MARK2: variants seen among roughly 807,000 people sequenced by gnomAD.
The protein encoded by MARK2 is microtubule affinity regulating kinase 2.
In MARK2, 16 loss-of-function variants were observed where a neutral mutation model predicts 89.8. That is an observed-to-expected ratio of 0.18 (90% CI 0.12 to 0.27). MARK2 has a LOEUF of 0.27. Ranked by LOEUF, MARK2 falls within the 10% of genes least tolerant of loss-of-function variation. MARK2 has a pLI of 1.00. For synonymous variants in MARK2, 382 were observed against 399.5 expected (o/e 0.96, Z 0.52); for missense variants, 621 against 1,049.9 (o/e 0.59, Z 5.65).
At chr11:63,845,003 G>A (rs1289343962) in intron 1 of MARK2, among the ~76,000 whole-genome samples, 2 of 152,188 alleles carry the variant, frequency 1.3e-5, no homozygotes, top group Admixed American at 1.3e-4. Flanking sequence ...TGGGGTAGGG[G>A]GTGGGCGCCA....
rs1167350335 is a variant in MARK2 at position 63,877,143 on chromosome 11, T to C, written c.55-18016T>C. 2.1e-5 allele frequency among the ~76,000 whole-genome samples: 3 copies of C among 140,450 alleles called. No homozygotes were observed. The East Asian group carries it at 6.5e-4, about 31-fold the overall frequency. 92.1% of individuals were successfully genotyped at this position (140,450 alleles called of 152,430 possible). A position where few individuals can be genotyped will look rare whatever the true frequency, so the allele number is the denominator to read the frequency against. On this transcript the variant is annotated intron_variant, in intron 1 of 18. Coordinates refer to ENST00000402010, the MANE Select transcript of MARK2 (RefSeq NM_001039469.3). ...TTTTTTTTTTGAGACGGAGTCTTGC[T>C]CTGTCAACGAGGCTGGAGTGCAGTG...
intron 1 of MARK2, among the ~76,000 whole-genome samples, chr11:63,876,691 G>A (rs1263583461): frequency 1.4e-5 from 2 of 144,338 alleles, no homozygotes; most frequent in African/African-American, 4.9e-5. Flanking sequence ...TTGGGTAGGA[G>A]CTGTATTCCT....
At chr11:63,883,304 T>TGTTA (rs1939209210) in intron 1 of MARK2, among the ~76,000 whole-genome samples, 1 of 152,162 alleles carries the variant, frequency 6.6e-6, no homozygotes, top group African/African-American at 2.4e-5. Context: ...GATGGTTTTA[T>TGTTA]GTTAGGAAAG....
chr11:63,885,409 T>C (rs1457380510), intron 1 of MARK2, among the ~76,000 whole-genome samples: 2 of 151,700 alleles, frequency 1.3e-5, no homozygotes, highest in Non-Finnish European at 2.9e-5. Context: ...CGTATTGCTG[T>C]GGGCCTATAG....
At chr11:63,850,315 ATTTTTTTTTTTTT>A (rs34074167) in intron 1 of MARK2, among the ~76,000 whole-genome samples, 3 of 95,746 alleles carry the variant, frequency 3.1e-5, no homozygotes, top group Non-Finnish European at 5.8e-5. Context: ...TACCTGGCTA[ATTTTTTTTTTTTT>A]TTTTTTTTTT....
intron 1 of MARK2, among the ~76,000 whole-genome samples, chr11:63,894,110 T>C (rs910279015): frequency 6.6e-6 from 1 of 152,256 alleles, no homozygotes. Context: ...GCTGCCTTGC[T>C]CAGACCTAAT....
intron 1 of MARK2, among the ~76,000 whole-genome samples, chr11:63,853,260 G>A (rs1024779682): frequency 2.0e-5 from 3 of 152,120 alleles, no homozygotes; most frequent in Non-Finnish European, 2.9e-5. Context: ...TTAGCCAGGC[G>A]TGGTGGCGCA....
intron 17 of MARK2, 21 bp downstream of exon 17, chr11:63,906,135 G>A: frequency 1.7e-6 from 1 of 572,072 alleles, no homozygotes. Flanking sequence ...AGCCCGCTGT[G>A]TGTGTGTGTG....
rs777099396 is a variant in MARK2 at position 63,900,657 on chromosome 11, C to T, written c.867C>T (p.Pro289=). The change falls in exon 9 of 19, where the codon CCC becomes CCT. Residue 289 remains proline, a synonymous_variant. Coordinates refer to ENST00000402010, the MANE Select transcript of MARK2 (RefSeq NM_001039469.3). The surrounding 1 kb of genome is among the most constrained non-coding windows in gnomAD (Gnocchi z 4.7). ...TTAAGAAATTTCTCATTCTTAATCC[C>T]AGCAAGAGAGGCACTTTAGAGGTGA... ...NLLKKFLILN[P]SKRGTLEQIM... The T allele has an allele frequency of 1.2e-6, 2 of 1,614,074 alleles. No individual in the cohort carries two copies. The highest frequency in any genetic ancestry group is 2.2e-5 in the East Asian group (1 of 44,900).
chr11:63,849,289 C>T (rs914525828), intron 1 of MARK2, among the ~76,000 whole-genome samples: 23 of 152,178 alleles, frequency 1.5e-4, no homozygotes, highest in African/African-American at 5.1e-4. Flanking sequence ...TCTTTTTGCT[C>T]ATGAAAGTTT....
intron 1 of MARK2, chr11:63,888,553 G>T: frequency 1.9e-6 from 2 of 1,069,042 alleles, no homozygotes; most frequent in Non-Finnish European, 2.3e-6. Flanking sequence ...CTCCCTTCCT[G>T]CCCTATTCCC....
At chr11:63,888,755 C>G in intron 1 of MARK2, 1 of 1,213,358 alleles carries the variant, frequency 8.2e-7, no homozygotes, top group Non-Finnish European at 1.0e-6. Context: ...AGGAACCGCT[C>G]GGCCTGGCTG....
chr11:63,857,155 T>C lies in MARK2; in HGVS notation c.54+17595T>C, dbSNP rs565959545. Among the ~76,000 whole-genome samples the C allele has an allele frequency of 1.1e-4, 17 of 152,110 alleles. No individual in the cohort carries two copies. In the South Asian group the frequency reaches 3.1e-3, roughly 28 times the overall value. On this transcript the variant is annotated intron_variant, in intron 1 of 18. Coordinates refer to ENST00000402010, the MANE Select transcript of MARK2 (RefSeq NM_001039469.3). ...ACTCATTTCCTTTTTGTTCGTTTTC[T>C]TTCTTTAATTTGTTAGTATTTGTTG...
chr11:63,879,451 T>G (rs1262405200), intron 1 of MARK2, among the ~76,000 whole-genome samples: 1 of 152,130 alleles, frequency 6.6e-6, no homozygotes, highest in Non-Finnish European at 1.5e-5. Flanking sequence ...TACCCTTGTC[T>G]TCTGTGATTG....
chr11:63,891,978 A>T (rs920285980), intron 1 of MARK2, among the ~76,000 whole-genome samples: 2 of 152,202 alleles, frequency 1.3e-5, no homozygotes, highest in Non-Finnish European at 2.9e-5. Flanking sequence ...TTTGGAAGGG[A>T]AAAAAGCAGG....
chr11:63,884,136 C>T (rs1939259891), intron 1 of MARK2, among the ~76,000 whole-genome samples: 1 of 152,158 alleles, frequency 6.6e-6, no homozygotes, highest in African/African-American at 2.4e-5. Flanking sequence ...CAGAGTACTG[C>T]TCAACAAAGG....
intron 1 of MARK2, chr11:63,882,824 C>T (rs1190545843): frequency 2.0e-5 from 3 of 152,268 alleles, no homozygotes; most frequent in Non-Finnish European, 2.9e-5. Context: ...GAAAATATGC[C>T]AAGAACATAT....
intron 1 of MARK2, among the ~76,000 whole-genome samples, chr11:63,855,519 T>A (rs1252245546): frequency 6.7e-6 from 1 of 149,732 alleles, no homozygotes; most frequent in African/African-American, 2.5e-5. Context: ...GAGACCTTAT[T>A]TCAAAAACAA....
chr11:63,895,165 T>G lies in MARK2; in HGVS notation c.61T>G (p.Leu21Val), dbSNP rs1940270879. The change falls in exon 2 of 19, where the codon TTG (leucine) becomes GTG (valine). Residue 21 changes from leucine to valine, a missense_variant. Around this residue, in one of 5 missense-constraint regions of MARK2, gnomAD observed 60 missense variants for 73.2 expected, o/e 0.82. Transcript: ENST00000402010. ...CTCTGTTTCCACCCCGCAGCCCACCTTGGGACACCTTGACTCCAAGCCCAG... is the reference window on the plus strand; with the variant it reads ...CTCTGTTTCCACCCCGCAGCCCACCGTGGGACACCTTGACTCCAAGCCCAG... Reference protein sequence around the residue: ...LNERDTEQPTLGHLDSKPSSK... With the variant: ...LNERDTEQPTVGHLDSKPSSK... The G allele has an allele frequency of 1.2e-6, 2 of 1,613,028 alleles. No individual in the cohort carries two copies. Among genetic ancestry groups the G allele is most frequent in the South Asian group, 2.2e-5 (2 of 91,028 alleles).
Sources: allele counts gnomAD v4.1 joint callset (sites outside exome capture counted in the v4.1 genomes callset), GRCh38; gene constraint gnomAD v4.1.1; regional missense constraint gnomAD v4.1.1; non-coding constraint Gnocchi (gnomAD v3.1); transcripts MANE v1.5; gene names NCBI Gene and HGNC (gene_info 2026-07-23, HGNC 2026-07-21).